Variants in PRDX1 observed in about 807,000 individuals in gnomAD.
PRDX1 encodes the protein peroxiredoxin 1, also known as peroxiredoxin-1.
PRDX1 carries 19 observed loss-of-function variants against 20.7 expected under a neutral mutation model. The observed-to-expected ratio is 0.92, with a 90% CI of 0.64 to 1.35. The LOEUF is 1.35. Ranked by LOEUF, PRDX1 falls within the 40% of genes most tolerant of loss-of-function variation. The pLI is 0.00. For synonymous variants in PRDX1, 89 were observed against 83.9 expected (o/e 1.06, Z -0.33); for missense variants, 226 against 240.0 (o/e 0.94, Z 0.38).
intron 5 of PRDX1, chr1:45,511,672 AAGTTTAAATAATT>A: frequency 3.0e-6 from 1 of 334,386 alleles, no homozygotes; most frequent in Non-Finnish European, 5.4e-6. Context: ...AAAAAAGGCA[AAGTTTAAATAATT>A]TGCCAACACT....
rs34034070 is a variant in PRDX1 at position 45,515,730 on chromosome 1, T to C, written c.184A>G (p.Arg62Gly). 227 of 1,606,226 alleles carry C rather than the reference T, an allele frequency of 1.4e-4. No individual in the cohort carries two copies. The highest frequency in any genetic ancestry group is 1.8e-4 in the Non-Finnish European group (217 of 1,177,552). ...TTGAGTTTCTTAAATTCTTCTGCCC[T>C]ATCACTGAAAGCAATGATCTCCGTG... ...CPTEIIAFSD[R>G]AEEFKKLNCQ... Residue 62 changes from arginine to glycine, a missense_variant, in exon 3 of 6, where the codon AGG becomes GGG. Coordinates refer to ENST00000319248, the MANE Select transcript of PRDX1 (RefSeq NM_181697.3).
intron 5 of PRDX1, chr1:45,512,261 A>G (rs1643766739): frequency 1.3e-5 from 2 of 150,076 alleles, no homozygotes; most frequent in African/African-American, 4.9e-5. Flanking sequence ...AATTTTTGAG[A>G]CAGTCTCACA....
chr1:45,519,992 G>C (rs957488758), intron 1 of PRDX1, among the ~76,000 whole-genome samples: 1 of 152,062 alleles, frequency 6.6e-6, no homozygotes, highest in African/African-American at 2.4e-5. Context: ...GGATCACCGG[G>C]TCAGGAGTTC....
intron 2 of PRDX1, among the ~76,000 whole-genome samples, chr1:45,518,467 C>CAAAAAAAAAAAAAAA (rs35407028): frequency 2.1e-5 from 1 of 48,066 alleles, no homozygotes; most frequent in Non-Finnish European, 3.6e-5. Flanking sequence ...AACTCCATCT[C>CAAAAAAAAAAAAAAA]AAAAAAAAAA....
Position 45,511,313 on chromosome 1 carries a change from T to C in PRDX1, c.*16A>G. The C allele has an allele frequency of 6.3e-7, 1 of 1,595,074 alleles. No homozygotes were observed. Among genetic ancestry groups the C allele is most frequent in the Non-Finnish European group, 8.5e-7 (1 of 1,170,146 alleles). ...ATGGCTGCCCACCGCAGCCTGGCAC[T>C]AAAACAGCCCAGCGCTCACTTCTGC... On this transcript the variant is annotated 3_prime_UTR_variant, in exon 6 of 6. Coordinates refer to ENST00000319248, the MANE Select transcript of PRDX1 (RefSeq NM_181697.3).
At position 45,520,205 on chromosome 1, in the gene PRDX1, C is replaced by CAAAAAAAAAAAAAAAAAAAA. The variant is rs59260423; in HGVS notation, c.-11-1171_-11-1152dup. Among the ~76,000 whole-genome samples, 5 of 91,032 alleles carry CAAAAAAAAAAAAAAAAAAAA rather than the reference C, an allele frequency of 5.5e-5. 1 individual carries two copies. Among genetic ancestry groups the CAAAAAAAAAAAAAAAAAAAA allele is most frequent in the African/African-American group, 2.3e-4 (5 of 21,922 alleles). 59.7% of individuals were successfully genotyped at this position (91,032 alleles called of 152,430 possible). On this transcript the variant is annotated intron_variant, in intron 1 of 5. Coordinates refer to ENST00000319248, the MANE Select transcript of PRDX1 (RefSeq NM_181697.3). ...GGGCAACAGAGTGAGACTCTGTCTC[C>CAAAAAAAAAAAAAAAAAAAA]AAAAAAAAAAAAAAAAAAAAGAGGC...
chr1:45,516,848 A>T (rs538103310), intron 2 of PRDX1, among the ~76,000 whole-genome samples: 1 of 151,820 alleles, frequency 6.6e-6, no homozygotes, highest in Non-Finnish European at 1.5e-5. Flanking sequence ...ATGGTAAAAC[A>T]TGTCTCTACT....
chr1:45,520,723 C>CAAAAA (rs71052895), intron 1 of PRDX1, among the ~76,000 whole-genome samples: 1 of 57,538 alleles, frequency 1.7e-5, no homozygotes, highest in Non-Finnish European at 3.2e-5. Context: ...GACTCCGTCT[C>CAAAAA]AAAAAAAAAA....
intron 2 of PRDX1, among the ~76,000 whole-genome samples, chr1:45,518,607 G>C (rs186478667): frequency 6.6e-6 from 1 of 151,958 alleles, no homozygotes; most frequent in Non-Finnish European, 1.5e-5. Context: ...CCATGACTGC[G>C]CCACTGCACT....
chr1:45,514,881 G>A lies in PRDX1; in HGVS notation c.375C>T (p.Ile125=). 1.2e-6 allele frequency: 2 copies of A among 1,614,126 alleles called. No homozygotes were observed. The highest frequency in any genetic ancestry group is 1.7e-6 in the Non-Finnish European group (2 of 1,179,984). ...DYGVLKADEG[I]SFRGLFIIDD... ...TTGTCCTGATGACATACCTGAACGAGATGCCTTCATCAGCCTTTAAGACCC... is the reference window on the plus strand; with the variant it reads ...TTGTCCTGATGACATACCTGAACGAAATGCCTTCATCAGCCTTTAAGACCC... The change falls in exon 4 of 6, where the codon ATC becomes ATT. Residue 125 remains isoleucine (I), a synonymous_variant. Transcript: ENST00000319248.
chr1:45,511,447 T>A (rs749079640), intron 5 of PRDX1, 33 bp from the exon 6 acceptor site: 3 of 1,568,462 alleles, frequency 1.9e-6, no homozygotes, highest in Non-Finnish European at 1.8e-6. Context: ...ATTAATAACC[T>A]TCTCAATGGT....
At chr1:45,516,578 A>G (rs1643863945) in intron 2 of PRDX1, among the ~76,000 whole-genome samples, 1 of 152,244 alleles carries the variant, frequency 6.6e-6, no homozygotes, top group Non-Finnish European at 1.5e-5. Flanking sequence ...ATTTTAATGA[A>G]GTCACTGGGA....
chr1:45,520,492 G>A (rs1643901100), intron 1 of PRDX1, among the ~76,000 whole-genome samples: 1 of 151,998 alleles, frequency 6.6e-6, no homozygotes, highest in Non-Finnish European at 1.5e-5. Context: ...GGAGGCCGAG[G>A]CAGGCAGATC....
intron 3 of PRDX1, 61 bp from the exon 4 acceptor site, chr1:45,515,056 T>TCTTTCCC: frequency 1.3e-6 from 2 of 1,582,422 alleles, no homozygotes; most frequent in Non-Finnish European, 1.7e-6. Flanking sequence ...TACGCATTCC[T>TCTTTCCC]CTTTCCCCTT....
intron 5 of PRDX1, chr1:45,511,690 AAC>A (rs1643748605): frequency 6.7e-6 from 2 of 296,816 alleles, no homozygotes; most frequent in Non-Finnish European, 1.2e-5. Flanking sequence ...ATAATTTGCC[AAC>A]ACTCTCTAAT....
intron 1 of PRDX1, among the ~76,000 whole-genome samples, chr1:45,520,903 C>T (rs1017375205): frequency 1.3e-5 from 2 of 149,202 alleles, no homozygotes; most frequent in African/African-American, 5.2e-5. Context: ...GACTCTAGCT[C>T]AAAAAACAGA....
chr1:45,512,065 T>TTTTC (rs1643759274), intron 5 of PRDX1: 1 of 139,834 alleles, frequency 7.2e-6, no homozygotes. Context: ...AATCTCTTAT[T>TTTTC]TTTCTTTTTT....
intron 5 of PRDX1, chr1:45,513,226 T>A (rs1643790116): frequency 6.6e-6 from 1 of 152,238 alleles, no homozygotes; most frequent in African/African-American, 2.4e-5. Flanking sequence ...GCATGCTTTA[T>A]CTCTAGAGGT....
intron 2 of PRDX1, among the ~76,000 whole-genome samples, chr1:45,517,797 A>C (rs1224156286): frequency 2.0e-5 from 3 of 147,328 alleles, no homozygotes; most frequent in African/African-American, 7.4e-5. Flanking sequence ...AAAAAAAAAA[A>C]AAAAAAACTA....
Sources: gnomAD v4.1 joint callset for allele counts (sites outside exome capture counted in the v4.1 genomes callset) on GRCh38, gnomAD v4.1.1 for gene constraint, MANE v1.5 for transcripts, NCBI Gene and HGNC (gene_info 2026-07-23, HGNC 2026-07-21) for gene names.